ANO3: variants seen among roughly 807,000 people sequenced by gnomAD.
ANO3 encodes the protein anoctamin 3.
A neutral mutation model predicts 144.8 loss-of-function variants in ANO3; 99 were observed. That is an observed-to-expected ratio of 0.68 (90% CI 0.58 to 0.81). The LOEUF is 0.81. Among genes scored for constraint, ANO3 ranks in the 30% least tolerant of loss-of-function variants. The pLI, the probability that ANO3 is intolerant of heterozygous loss-of-function variation, is 0.00. For missense variants in ANO3, 905 were observed against 1,202.2 expected (o/e 0.75, Z 3.66); for synonymous variants, 414 against 392.6 (o/e 1.05, Z -0.64).
chr11:26,605,884 C>G (rs1210843612), intron 17 of ANO3, among the ~76,000 whole-genome samples: 4 of 151,710 alleles, frequency 2.6e-5, no homozygotes, highest in Non-Finnish European at 5.9e-5. Flanking sequence ...AAAAAAAAAC[C>G]AACTCCTGGA....
intron 1 of ANO3, among the ~76,000 whole-genome samples, chr11:26,194,583 C>A (rs571596342): frequency 6.6e-6 from 1 of 151,814 alleles, no homozygotes; most frequent in African/African-American, 2.4e-5. Context: ...TCACTGCAAT[C>A]TCTGCCTCCC....
chr11:26,270,084 A>G (rs1853408150), intron 1 of ANO3, among the ~76,000 whole-genome samples: 1 of 152,180 alleles, frequency 6.6e-6, no homozygotes, highest in South Asian at 2.1e-4. Context: ...CCAAAGAATG[A>G]TAGGCAGTTC....
At position 26,279,073 on chromosome 11, in the gene ANO3, G is replaced by A. The variant is rs369561843; in HGVS notation, c.155-30572G>A. ...TTTGTATGCAAGATAGATTGAATGT[G>A]AGGAGACTAGAAGCAAGAAAGAATA... On this transcript the variant is annotated intron_variant, in intron 1 of 27. Coordinates refer to the ANO3 transcript ENST00000672621. Among the ~76,000 whole-genome samples the A allele has an allele frequency of 3.2e-4, 49 of 152,240 alleles. 1 individual carries two copies. Among genetic ancestry groups the A allele is most frequent in the African/African-American group, 1.2e-3 (49 of 41,550 alleles).
intron 1 of ANO3, among the ~76,000 whole-genome samples, chr11:26,299,812 T>G (rs1854183187): frequency 6.6e-6 from 1 of 152,190 alleles, no homozygotes; most frequent in African/African-American, 2.4e-5. Context: ...AGTTCGTTTA[T>G]CTAGACTATC....
At chr11:26,265,948 A>G (rs960368374) in intron 1 of ANO3, among the ~76,000 whole-genome samples, 2 of 152,228 alleles carry the variant, frequency 1.3e-5, no homozygotes, top group Admixed American at 6.5e-5. Context: ...TTAGTAGCCT[A>G]CTTCACAAGC....
At chr11:26,519,711 C>A (rs1861993960) in intron 6 of ANO3, among the ~76,000 whole-genome samples, 1 of 152,198 alleles carries the variant, frequency 6.6e-6, no homozygotes, top group African/African-American at 2.4e-5. Flanking sequence ...AAGGCCCCAC[C>A]TCCAAGAACC....
intron 1 of ANO3, among the ~76,000 whole-genome samples, chr11:26,439,416 G>C (rs942504755): frequency 6.6e-6 from 1 of 152,218 alleles, no homozygotes; most frequent in African/African-American, 2.4e-5. Flanking sequence ...ATAGGCAAAT[G>C]CATGGAGGCA....
At chr11:26,433,397 C>A (rs189514375) in intron 1 of ANO3, among the ~76,000 whole-genome samples, 100 of 152,122 alleles carry the variant, frequency 6.6e-4, no homozygotes, top group African/African-American at 2.3e-3. Flanking sequence ...TTCTCTCTTG[C>A]CTGATTGTTT....
intron 14 of ANO3, among the ~76,000 whole-genome samples, chr11:26,576,128 T>G (rs562424661): frequency 6.6e-6 from 1 of 152,308 alleles, no homozygotes; most frequent in East Asian, 1.9e-4. Context: ...GGAAGCAGTG[T>G]GCTGAGTAGA....
chr11:26,381,920 C>G (rs995927623), intron 1 of ANO3, among the ~76,000 whole-genome samples: 1 of 151,992 alleles, frequency 6.6e-6, no homozygotes, highest in Non-Finnish European at 1.5e-5. Context: ...TTTTTTTTAT[C>G]TCTTGAAAAT....
At chr11:26,320,534 ATACTC>A (rs1361592759) in intron 1 of ANO3, among the ~76,000 whole-genome samples, 4 of 152,204 alleles carry the variant, frequency 2.6e-5, no homozygotes, top group Non-Finnish European at 4.4e-5. Flanking sequence ...ACTTTTTACT[ATACTC>A]TATTTAAAAA....
intron 1 of ANO3, among the ~76,000 whole-genome samples, chr11:26,347,007 A>C (rs759708967): frequency 1.3e-5 from 2 of 152,204 alleles, no homozygotes; most frequent in African/African-American, 2.4e-5. Context: ...GAAATCCAAA[A>C]TGTGCTGCCC....
chr11:26,249,085 A>C (rs1473207408), intron 1 of ANO3, among the ~76,000 whole-genome samples: 1 of 152,184 alleles, frequency 6.6e-6, no homozygotes, highest in African/African-American at 2.4e-5. Context: ...TATTGTAACT[A>C]TAACAAGCAA....
chr11:26,627,854 T>TGTGTGTGTGTGTGTGC (rs1262119961), intron 18 of ANO3, among the ~76,000 whole-genome samples: 1 of 139,588 alleles, frequency 7.2e-6, no homozygotes, highest in African/African-American at 2.7e-5. Flanking sequence ...TGTGTGTGTG[T>TGTGTGTGTGTGTGTGC]GCGCCTGACA....
chr11:26,525,349 C>A (rs1849134911), intron 6 of ANO3, among the ~76,000 whole-genome samples: 1 of 151,858 alleles, frequency 6.6e-6, no homozygotes, highest in Non-Finnish European at 1.5e-5. Context: ...AATTGAGTGG[C>A]AGAAGACAGA....
chr11:26,562,010 G>T (rs1850313317), intron 14 of ANO3, among the ~76,000 whole-genome samples: 1 of 151,830 alleles, frequency 6.6e-6, no homozygotes, highest in Admixed American at 6.6e-5. Context: ...TGGGAGAGGT[G>T]TCTCAAAGCT....
At chr11:26,505,195 G>A (rs902955406) in intron 4 of ANO3, among the ~76,000 whole-genome samples, 1 of 151,918 alleles carries the variant, frequency 6.6e-6, no homozygotes, top group Non-Finnish European at 1.5e-5. Context: ...TTTTCTTGAT[G>A]ATTTGAATGT....
chr11:26,355,806 C>T (rs10767518), intron 1 of ANO3, among the ~76,000 whole-genome samples: 89,879 of 151,834 alleles, frequency 0.59, 28,248 homozygotes, highest in Non-Finnish European at 0.7. Flanking sequence ...GTGATCCGTC[C>T]GCCTTGGCCT....
intron 1 of ANO3, among the ~76,000 whole-genome samples, chr11:26,313,871 T>TTATATAATATAATATAA (rs1554937900): frequency 5.4e-5 from 8 of 147,522 alleles, no homozygotes; most frequent in African/African-American, 2.0e-4. Flanking sequence ...AAATTAAATA[T>TTATATAATATAATATAA]TATAATATAA....
Sources: allele counts gnomAD v4.1 joint callset (sites outside exome capture counted in the v4.1 genomes callset), GRCh38; gene constraint gnomAD v4.1.1; transcripts MANE v1.5; gene names NCBI Gene and HGNC (gene_info 2026-07-23, HGNC 2026-07-21).